The following ECE1 variants were observed in gnomAD, a reference collection of about 807,000 sequenced individuals.
ECE1 encodes the protein endothelin converting enzyme 1, also known as endothelin-converting enzyme 1.
A neutral mutation model predicts 98.6 loss-of-function variants in ECE1; 35 were observed. The ratio of observed to expected loss-of-function variants is 0.35; its 90% CI spans 0.27 to 0.47. The LOEUF (loss-of-function observed/expected upper bound fraction) is 0.47. ECE1 is among the 20% of genes least tolerant of loss of function. The probability of loss-of-function intolerance (pLI) is 1.00; values close to 1 mark genes in which losing one functional copy is unlikely to be tolerated. For synonymous variants in ECE1, 394 were observed against 407.1 expected (o/e 0.97, Z 0.39); for missense variants, 814 against 1,025.3 (o/e 0.79, Z 2.81).
At chr1:21,311,509 CA>C (rs397979522) in intron 1 of ECE1, among the ~76,000 whole-genome samples, 72 of 74,294 alleles carry the variant, frequency 9.7e-4, no homozygotes, top group African/African-American at 1.5e-3. Context: ...CCTGTCTCCA[CA>C]AAAAAAAAAA....
intron 1 of ECE1, among the ~76,000 whole-genome samples, chr1:21,336,609 C>T (rs1243120405): frequency 1.3e-5 from 2 of 152,164 alleles, no homozygotes; most frequent in Middle Eastern, 3.4e-3. Flanking sequence ...TTTCGGAGGC[C>T]GAGGTGGGCG....
chr1:21,229,479 A>C (rs2098179050), intron 14 of ECE1, among the ~76,000 whole-genome samples: 1 of 152,142 alleles, frequency 6.6e-6, no homozygotes, highest in African/African-American at 2.4e-5. Flanking sequence ...AGACGTGGAC[A>C]TCTGGCAGAC....
At chr1:21,261,599 C>T (rs772461508) in intron 4 of ECE1, among the ~76,000 whole-genome samples, 2 of 152,296 alleles carry the variant, frequency 1.3e-5, no homozygotes, top group African/African-American at 2.4e-5. Context: ...ACCATTAGAC[C>T]GTGAGCTCCT....
chr1:21,232,258 C>A (rs1360577825), intron 14 of ECE1, among the ~76,000 whole-genome samples: 1 of 151,962 alleles, frequency 6.6e-6, no homozygotes. Flanking sequence ...TGGAACTGGG[C>A]TGACTACATC....
chr1:21,245,467 C>T (rs1378121368), intron 9 of ECE1, among the ~76,000 whole-genome samples: 1 of 151,914 alleles, frequency 6.6e-6, no homozygotes, highest in East Asian at 1.9e-4. Flanking sequence ...ACTACCACTT[C>T]TACAGCTTGG....
chr1:21,238,261 A>AG lies in ECE1; in HGVS notation c.1279-18dup. 6.2e-7 allele frequency: 1 copy of AG among 1,603,794 alleles called. No homozygotes were observed. The highest frequency in any genetic ancestry group is 8.5e-7 in the Non-Finnish European group (1 of 1,171,732). On this transcript the variant is annotated splice_polypyrimidine_tract_variant and intron_variant, in intron 10 of 18. Coordinates refer to ENST00000374893, the MANE Select transcript of ECE1 (RefSeq NM_001397.3). ...AAGACAGGTCTGGAAAACACAAGTC[A>AG]GGGGGCTCGCTGGGCCCCAGCCCTT...
chr1:21,240,438 G>A (rs1262084208), intron 10 of ECE1, among the ~76,000 whole-genome samples: 2 of 152,072 alleles, frequency 1.3e-5, no homozygotes, highest in Non-Finnish European at 2.9e-5. Flanking sequence ...AGTGAGCTGA[G>A]ATCATACCAC....
Position 21,227,914 on chromosome 1 carries a change from C to T in ECE1, c.1781+17G>A. 2 of 1,547,604 alleles carry T rather than the reference C, an allele frequency of 1.3e-6. No homozygotes were observed. The highest frequency in any genetic ancestry group is 8.7e-7 in the Non-Finnish European group (1 of 1,143,680). ...TGGGGGAAAAGAATTGGGGTAGGGGCCCCAGAGGCAGCCTACTTGGGTGAG... is the reference window on the plus strand; with the variant it reads ...TGGGGGAAAAGAATTGGGGTAGGGGTCCCAGAGGCAGCCTACTTGGGTGAG... On this transcript the variant is annotated intron_variant, in intron 15 of 18. Coordinates refer to ENST00000374893, the MANE Select transcript of ECE1 (RefSeq NM_001397.3).
At position 21,235,983 on chromosome 1, in the gene ECE1, G is replaced by A. The variant is rs41394545; in HGVS notation, c.1489-56C>T. ...CCGGCAACATCGACCAGGCCAGCCTGAGCAACTTGGGTGCTGGGCTCATAG... is the reference window on the plus strand; with the variant it reads ...CCGGCAACATCGACCAGGCCAGCCTAAGCAACTTGGGTGCTGGGCTCATAG... On this transcript the variant is annotated intron_variant, in intron 12 of 18. Coordinates refer to ENST00000374893, the MANE Select transcript of ECE1 (RefSeq NM_001397.3). This position sits in a 1 kb window ranked among gnomAD's most constrained non-coding sequence, Gnocchi z 4.2. 1.1e-5 allele frequency: 17 copies of A among 1,540,932 alleles called. No individual in the cohort carries two copies. In the East Asian group the frequency reaches 2.0e-4, roughly 18 times the overall value.
chr1:21,248,773 AG>A lies in ECE1; in HGVS notation c.1021-1411del, dbSNP rs1295529223. ...CCTAGTAGCTGGGATTACAGGTGTGAGCCACCACTCCTGGCTAATTTTTGTA... is the reference window on the plus strand; with the variant it reads ...CCTAGTAGCTGGGATTACAGGTGTGACCACCACTCCTGGCTAATTTTTGTA... On this transcript the variant is annotated intron_variant, in intron 8 of 18. Coordinates refer to ENST00000374893, the MANE Select transcript of ECE1 (RefSeq NM_001397.3). Among the ~76,000 whole-genome samples the A allele has an allele frequency of 1.6e-4, 25 of 151,744 alleles. No homozygotes were observed. The East Asian group carries it at 4.1e-3, about 25-fold the overall frequency.
At chr1:21,252,083 C>T (rs1235476973) in intron 8 of ECE1, among the ~76,000 whole-genome samples, 1 of 152,188 alleles carries the variant, frequency 6.6e-6, no homozygotes, top group Non-Finnish European at 1.5e-5. Flanking sequence ...AGTGTTTACA[C>T]AGTGGACGAG....
chr1:21,325,729 C>T (rs1254217166), intron 1 of ECE1, among the ~76,000 whole-genome samples: 2 of 152,374 alleles, frequency 1.3e-5, no homozygotes, highest in African/African-American at 4.8e-5. Flanking sequence ...GCTCAGCACA[C>T]AGCTTAGCTC....
chr1:21,325,474 A>T (rs2103406807), intron 1 of ECE1, among the ~76,000 whole-genome samples: 1 of 152,296 alleles, frequency 6.6e-6, no homozygotes, highest in Non-Finnish European at 1.5e-5. Flanking sequence ...CAGGCTTCTC[A>T]TCCTCTTTTG....
intron 8 of ECE1, among the ~76,000 whole-genome samples, 184 bp downstream of exon 8, chr1:21,255,763 C>G (rs1317789151): frequency 1.3e-5 from 2 of 152,222 alleles, no homozygotes; most frequent in Non-Finnish European, 2.9e-5. Flanking sequence ...GTGTGCCCTT[C>G]AGCAGGTAAC....
intron 8 of ECE1, 41 bp from the exon 9 acceptor site, chr1:21,247,404 C>T: frequency 2.5e-6 from 4 of 1,614,044 alleles, no homozygotes; most frequent in Non-Finnish European, 3.4e-6. Flanking sequence ...GGGGCTGCTC[C>T]TCCTCACAGC....
chr1:21,277,616 A>G (rs778153800), intron 3 of ECE1, among the ~76,000 whole-genome samples: 1 of 152,002 alleles, frequency 6.6e-6, no homozygotes, highest in Non-Finnish European at 1.5e-5. Flanking sequence ...ATATACATAC[A>G]CTCAGCAGAG....
In ECE1 at chr1:21,327,783, G is replaced by A. The variant is rs1398483473; in HGVS notation, c.3+17593C>T. On this transcript the variant is annotated intron_variant, in intron 1 of 18. Transcript: ENST00000415912. This position sits in a 1 kb window ranked among gnomAD's most constrained non-coding sequence, Gnocchi z 4.6. ...TCCATGGCCTGTTAGGAACCGGGCC[G>A]CACAGCAGGAGGTGAGCTGTGGGTG... Among the ~76,000 whole-genome samples the A allele has an allele frequency of 3.3e-5, 5 of 152,160 alleles. No homozygotes were observed. The highest frequency in any genetic ancestry group is 3.3e-4 in the Admixed American group (5 of 15,278).
chr1:21,284,072 G>A (rs551203532), intron 2 of ECE1, among the ~76,000 whole-genome samples: 2 of 152,318 alleles, frequency 1.3e-5, no homozygotes, highest in South Asian at 4.1e-4. Context: ...GCTGGGCCGT[G>A]AGTCAGGGCA....
chr1:21,298,361 G>A, intron 1 of ECE1: 1 of 208,544 alleles, frequency 4.8e-6, no homozygotes, highest in Non-Finnish European at 1.0e-5. Context: ...CTCCGCGGCA[G>A]CATGCTTCTG....
Sources: allele counts gnomAD v4.1 joint callset (sites outside exome capture counted in the v4.1 genomes callset), GRCh38; gene constraint gnomAD v4.1.1; non-coding constraint Gnocchi (gnomAD v3.1); transcripts MANE v1.5; gene names NCBI Gene and HGNC (gene_info 2026-07-23, HGNC 2026-07-21).